The following FSIP1 variants were observed in gnomAD, a reference collection of about 807,000 sequenced individuals.
FSIP1 encodes fibrous sheath-interacting protein 1.
In FSIP1, 65 loss-of-function variants were observed where a neutral mutation model predicts 60.9. The ratio of observed to expected loss-of-function variants is 1.07; its 90% CI spans 0.87 to 1.31. FSIP1 has a LOEUF of 1.31. Ranked by LOEUF, FSIP1 falls within the 40% of genes most tolerant of loss-of-function variation. The pLI, the probability that FSIP1 is intolerant of heterozygous loss-of-function variation, is 0.00. For synonymous variants in FSIP1, 209 were observed against 221.2 expected, an observed-to-expected ratio of 0.94 and a Z score of 0.49; for missense variants, 675 against 665.5, an observed-to-expected ratio of 1.01 and a Z score of -0.16.
At chr15:39,716,174 T>C (rs1895731040) in intron 9 of FSIP1, among the ~76,000 whole-genome samples, 1 of 152,146 alleles carries the variant, frequency 6.6e-6, no homozygotes, top group Non-Finnish European at 1.5e-5. Flanking sequence ...TTTGCAATGC[T>C]AAGCAGTCAG....
At position 39,674,370 on chromosome 15, in the gene FSIP1, C is replaced by T. The variant is rs1450611015; in HGVS notation, c.1188+39074G>A. Among the ~76,000 whole-genome samples, 3 of 152,218 alleles carry T rather than the reference C, an allele frequency of 2.0e-5. No homozygotes were observed. The East Asian group carries it at 5.8e-4, about 29-fold the overall frequency. Reference sequence around the variant, plus strand: ...CATCCGGCCAAAATTAAGTACAATTCTAGTCAAAATCGTACATGGGTCGTT... The same window carrying T: ...CATCCGGCCAAAATTAAGTACAATTTTAGTCAAAATCGTACATGGGTCGTT... On this transcript the variant is annotated intron_variant, in intron 10 of 11. Coordinates refer to ENST00000350221, the MANE Select transcript of FSIP1 (RefSeq NM_152597.5).
chr15:39,623,988 C>G (rs1464343666), intron 10 of FSIP1, among the ~76,000 whole-genome samples: 2 of 152,222 alleles, frequency 1.3e-5, no homozygotes, highest in Non-Finnish European at 2.9e-5. Flanking sequence ...TGACTATGTC[C>G]TTTAGCTCTC....
At chr15:39,722,593 T>C (rs188420141) in intron 9 of FSIP1, among the ~76,000 whole-genome samples, 3 of 152,028 alleles carry the variant, frequency 2.0e-5, no homozygotes, top group East Asian at 1.9e-4. Context: ...CTTATGGAAA[T>C]AGACTTTCTG....
intron 10 of FSIP1, among the ~76,000 whole-genome samples, chr15:39,640,720 T>TTATA (rs780930792): frequency 7.6e-4 from 95 of 125,580 alleles, no homozygotes; most frequent in African/African-American, 2.2e-3. Flanking sequence ...AGAAGAAGAT[T>TTATA]TACAGACAAA....
chr15:39,685,612 A>G (rs8035895), intron 10 of FSIP1, among the ~76,000 whole-genome samples: 126,122 of 152,158 alleles, frequency 0.83, 52,812 homozygotes, highest in Non-Finnish European at 0.89. Flanking sequence ...GGTTACATGT[A>G]GTTTAAGGGT....
At chr15:39,775,123 C>T (rs1290387708) in intron 2 of FSIP1, among the ~76,000 whole-genome samples, 1 of 152,198 alleles carries the variant, frequency 6.6e-6, no homozygotes, top group Non-Finnish European at 1.5e-5. Context: ...TCAAGCTATC[C>T]TCTTGCCTCA....
At chr15:39,631,346 A>G (rs1249968953) in intron 10 of FSIP1, among the ~76,000 whole-genome samples, 9 of 152,198 alleles carry the variant, frequency 5.9e-5, no homozygotes, top group Non-Finnish European at 1.2e-4. Flanking sequence ...ACAATGGTTT[A>G]AGCAATTAAT....
chr15:39,719,192 A>T (rs893695321), intron 9 of FSIP1, among the ~76,000 whole-genome samples: 1 of 150,904 alleles, frequency 6.6e-6, no homozygotes, highest in Admixed American at 6.6e-5. Context: ...GCCAGGAAAG[A>T]TTCTTTTTTC....
chr15:39,698,500 G>A (rs1894916816), intron 10 of FSIP1, among the ~76,000 whole-genome samples: 2 of 151,926 alleles, frequency 1.3e-5, no homozygotes, highest in Admixed American at 6.6e-5. Flanking sequence ...TACCACACTC[G>A]GTAAAACACC....
rs145751338 is a variant in FSIP1 at position 39,689,243 on chromosome 15, C to T, written c.1188+24201G>A. 4.8e-3 allele frequency among the ~76,000 whole-genome samples: 725 copies of T among 152,282 alleles called. 12 individuals are homozygous for T. The highest frequency in any genetic ancestry group is 0.016 in the African/African-American group (681 of 41,554). ...AGAATGTCATTGTCCTCTCTGTGCACCCCACCCTCCCAGCACCTCTACATG... is the reference window on the plus strand; with the variant it reads ...AGAATGTCATTGTCCTCTCTGTGCATCCCACCCTCCCAGCACCTCTACATG... On this transcript the variant is annotated intron_variant, in intron 10 of 11. Transcript: ENST00000350221.
chr15:39,700,242 A>G (rs990737901), intron 10 of FSIP1, among the ~76,000 whole-genome samples: 2 of 152,022 alleles, frequency 1.3e-5, no homozygotes, highest in Admixed American at 6.5e-5. Flanking sequence ...ATGAAACCCT[A>G]CTCATTCCTC....
At chr15:39,638,660 A>C (rs1892229692) in intron 10 of FSIP1, among the ~76,000 whole-genome samples, 1 of 152,248 alleles carries the variant, frequency 6.6e-6, no homozygotes, top group Non-Finnish European at 1.5e-5. Context: ...AACATCTAGA[A>C]GACAAATAAC....
intron 11 of FSIP1, among the ~76,000 whole-genome samples, chr15:39,607,962 C>T (rs1357602191): frequency 6.6e-6 from 1 of 152,102 alleles, no homozygotes; most frequent in Non-Finnish European, 1.5e-5. Context: ...GGCTTTTTGT[C>T]AAGAAAACTG....
In FSIP1 at chr15:39,651,437, T is replaced by G. The variant is rs185286967; in HGVS notation, c.1189-33192A>C. On this transcript the variant is annotated intron_variant, in intron 10 of 11. Transcript: ENST00000350221. ...ACCATCTGTAAAAAATAGATAAATATGACATCTGGTGAAAGCTCTAATGAA... is the reference window on the plus strand; with the variant it reads ...ACCATCTGTAAAAAATAGATAAATAGGACATCTGGTGAAAGCTCTAATGAA... Among the ~76,000 whole-genome samples the G allele has an allele frequency of 1.8e-3, 270 of 152,342 alleles. 3 individuals carry two copies. Among genetic ancestry groups the G allele is most frequent in the African/African-American group, 6.1e-3 (252 of 41,580 alleles).
chr15:39,709,784 G>A (rs546320187), intron 10 of FSIP1, among the ~76,000 whole-genome samples: 11 of 152,198 alleles, frequency 7.2e-5, no homozygotes, highest in East Asian at 5.8e-4. Flanking sequence ...CAGGACTCGC[G>A]CTCCTATGAG....
intron 5 of FSIP1, among the ~76,000 whole-genome samples, chr15:39,760,965 AT>A (rs775612527): frequency 6.6e-6 from 1 of 152,216 alleles, no homozygotes; most frequent in Non-Finnish European, 1.5e-5. Flanking sequence ...TACAACAAAT[AT>A]GCAGAAAATG....
intron 3 of FSIP1, among the ~76,000 whole-genome samples, chr15:39,769,908 C>CT (rs1163526214): frequency 6.6e-6 from 1 of 152,178 alleles, no homozygotes; most frequent in Admixed American, 6.5e-5. Flanking sequence ...ATGAAAACAG[C>CT]TTTTACCTTG....
At chr15:39,739,462 A>T (rs1896729555) in intron 7 of FSIP1, among the ~76,000 whole-genome samples, 1 of 152,274 alleles carries the variant, frequency 6.6e-6, no homozygotes, top group African/African-American at 2.4e-5. Context: ...AAAAAGAGAT[A>T]GGATAGGATA....
intron 2 of FSIP1, among the ~76,000 whole-genome samples, chr15:39,775,811 G>A (rs891851067): frequency 1.6e-4 from 25 of 152,154 alleles, no homozygotes; most frequent in South Asian, 2.1e-4. Context: ...CATGCTTCCT[G>A]TACAGCCTGT....
Sources: gnomAD v4.1 joint callset for allele counts (sites outside exome capture counted in the v4.1 genomes callset) on GRCh38, gnomAD v4.1.1 for gene constraint, MANE v1.5 for transcripts, NCBI Gene and HGNC (gene_info 2026-07-23, HGNC 2026-07-21) for gene names.